The following KLHDC4 variants were observed in gnomAD, a reference collection of about 807,000 sequenced individuals.
KLHDC4 encodes kelch domain-containing protein 4.
A neutral mutation model predicts 62.4 loss-of-function variants in KLHDC4; 90 were observed. That is an observed-to-expected ratio of 1.44 (90% confidence interval 1.22 to 1.72). The LOEUF (loss-of-function observed/expected upper bound fraction) is 1.72, where lower values mean the gene tolerates loss of function less well. Among genes scored for constraint, KLHDC4 ranks in the 40% most tolerant of loss-of-function variants. The pLI is 0.00. For missense variants in KLHDC4, 1,025 were observed against 699.7 expected (o/e 1.47, Z -5.25); for synonymous variants, 386 against 284.4 (o/e 1.36, Z -3.59).
At chr16:87,749,287 G>A (rs1477853443) in intron 4 of KLHDC4, among the ~76,000 whole-genome samples, 3 of 152,082 alleles carry the variant, frequency 2.0e-5, no homozygotes, top group Admixed American at 2.0e-4. Context: ...CAGGCGCGGT[G>A]GCTCACACCT....
At chr16:87,725,403 G>C (rs2039177066) in intron 7 of KLHDC4, among the ~76,000 whole-genome samples, 1 of 152,134 alleles carries the variant, frequency 6.6e-6, no homozygotes, top group Admixed American at 6.5e-5. Context: ...TTGACCTCGT[G>C]AGCCGCCCGC....
intron 5 of KLHDC4, among the ~76,000 whole-genome samples, chr16:87,736,156 G>A (rs1354049102): frequency 6.6e-6 from 1 of 152,194 alleles, no homozygotes; most frequent in Admixed American, 6.5e-5. Context: ...GGAAGGCACA[G>A]CCTGCCACAC....
Position 87,709,368 on chromosome 16 carries a change from C to T in KLHDC4, c.1344G>A (p.Gly448=). The change falls in exon 10 of 12, where the codon GGG becomes GGA. Residue 448 remains glycine (G), a synonymous_variant. Coordinates refer to ENST00000270583, the MANE Select transcript of KLHDC4 (RefSeq NM_017566.4). The part of the protein sequence containing the change: ...AVKHGVLYVY[G]GMFEAGDRQV... Reference sequence around the variant, plus strand: ...GGCGGTCGCCGGCCTCAAACATGCCCCCATAGACGTAGAGCACCCCATGCT... The same window carrying T: ...GGCGGTCGCCGGCCTCAAACATGCCTCCATAGACGTAGAGCACCCCATGCT... 1 of 1,613,518 alleles carries T rather than the reference C, an allele frequency of 6.2e-7. No homozygotes were observed. Among genetic ancestry groups the T allele is most frequent in the African/African-American group, 1.3e-5 (1 of 75,056 alleles).
downstream of KLHDC4, among the ~76,000 whole-genome samples, chr16:87,704,481 C>A (rs1404246450): frequency 8.9e-6 from 1 of 112,656 alleles, no homozygotes; most frequent in East Asian, 2.7e-4. Flanking sequence ...AAGGAGGCGC[C>A]TGGGGAGGGT....
At chr16:87,720,759 TC>T (rs1335543062) in intron 7 of KLHDC4, among the ~76,000 whole-genome samples, 1 of 152,238 alleles carries the variant, frequency 6.6e-6, no homozygotes, top group African/African-American at 2.4e-5. Flanking sequence ...CCACTTCTAG[TC>T]AGCTTCCTTT....
chr16:87,734,882 C>T (rs931693958), intron 5 of KLHDC4, among the ~76,000 whole-genome samples: 2 of 152,066 alleles, frequency 1.3e-5, no homozygotes, highest in Non-Finnish European at 2.9e-5. Flanking sequence ...AGAAGAAAAC[C>T]CCACACATGC....
At position 87,709,635 on chromosome 16, in the gene KLHDC4, C is replaced by T. The variant is rs747770240; in HGVS notation, c.1077G>A (p.Arg359=). ...CACCTTCGGGCTCCTCTTTTCTGCC[C>T]CGCCTGCGTTTCTTCTTTTCAGACT... is the stretch of plus-strand genomic sequence containing the variant. ...GPKSEKKKRR[R]GRKEEPEGGS... is the part of the protein sequence containing the mutation. The change falls in exon 10 of 12, where the codon CGG becomes CGA. Residue 359 remains arginine (R), a synonymous_variant. Transcript: ENST00000270583. 1.1e-5 allele frequency: 18 copies of T among 1,606,502 alleles called. No homozygotes were observed. The highest frequency in any genetic ancestry group is 1.4e-5 in the Non-Finnish European group (17 of 1,176,486).
rs1175570954 is a variant in KLHDC4, at chr16:87,765,809, G to T, written c.82C>A (p.Arg28Ser). ...CCGCTCACCTCCTCCTTCCGCGAGCGCTTAGACACCTTCTTCTCCATCTTG... is the reference window on the plus strand; with the variant it reads ...CCGCTCACCTCCTCCTTCCGCGAGCTCTTAGACACCTTCTTCTCCATCTTG... ...AAKMEKKVSK[R>S]SRKEEEDLEA... Residue 28 changes from arginine (R) to serine (S), a missense_variant, in exon 1 of 12, where the codon CGC becomes AGC. By Grantham distance (110) the Arg-to-Ser change is moderately radical. Coordinates refer to ENST00000270583, the MANE Select transcript of KLHDC4 (RefSeq NM_017566.4). 6.4e-7 allele frequency: 1 copy of T among 1,570,088 alleles called. No homozygotes were observed. The highest frequency in any genetic ancestry group is 2.3e-5 in the East Asian group (1 of 42,966).
chr16:87,701,802 A>AT, intron 14 of KLHDC4: 1 of 456,630 alleles, frequency 2.2e-6, no homozygotes, highest in South Asian at 1.5e-5. Flanking sequence ...TCTGTGCCCC[A>AT]TGGGACAGAG....
chr16:87,732,164 C>T (rs775338803), intron 5 of KLHDC4, among the ~76,000 whole-genome samples: 1 of 149,478 alleles, frequency 6.7e-6, no homozygotes, highest in African/African-American at 2.5e-5. Context: ...GGTGCAATCT[C>T]GGCTCCCTGC....
chr16:87,705,165 G>C (rs892738628), downstream of KLHDC4, among the ~76,000 whole-genome samples: 4 of 152,236 alleles, frequency 2.6e-5, no homozygotes, highest in African/African-American at 9.7e-5. Context: ...CACCGAGTAC[G>C]GCGTGTCCCA....
intron 2 of KLHDC4, among the ~76,000 whole-genome samples, chr16:87,757,094 T>C (rs2045074382): frequency 1.3e-5 from 2 of 151,792 alleles, no homozygotes. Flanking sequence ...GGATTACAGG[T>C]GTGAGCCACC....
At chr16:87,731,779 C>T (rs894298934) in intron 5 of KLHDC4, among the ~76,000 whole-genome samples, 12 of 152,246 alleles carry the variant, frequency 7.9e-5, no homozygotes, top group Admixed American at 3.9e-4. Context: ...GCTCTTGTGT[C>T]ACCACCAGCA....
intron 6 of KLHDC4, among the ~76,000 whole-genome samples, chr16:87,729,527 G>A (rs1175433580): frequency 6.6e-6 from 1 of 152,198 alleles, no homozygotes; most frequent in Non-Finnish European, 1.5e-5. Context: ...ACTTATGACA[G>A]AAACAGGGAT....
At chr16:87,759,153 C>G (rs2045480723) in intron 2 of KLHDC4, among the ~76,000 whole-genome samples, 1 of 152,126 alleles carries the variant, frequency 6.6e-6, no homozygotes, top group African/African-American at 2.4e-5. Flanking sequence ...GCCTGGGCAA[C>G]AAGAGCAAAA....
chr16:87,765,586 G>C (rs1012428976), intron 1 of KLHDC4, among the ~76,000 whole-genome samples: 6 of 152,114 alleles, frequency 3.9e-5, no homozygotes, highest in Admixed American at 3.9e-4. Context: ...TCCGAGAAGC[G>C]GACAGACACA....
At chr16:87,702,749 G>A (rs966278580), upstream of KLHDC4, among the ~76,000 whole-genome samples, 2 of 152,254 alleles carry the variant, frequency 1.3e-5, no homozygotes, top group South Asian at 2.1e-4. Context: ...AACTCGGACA[G>A]GAAACAGTGT....
At chr16:87,745,906 T>A (rs1480435201) in intron 5 of KLHDC4, among the ~76,000 whole-genome samples, 1 of 152,078 alleles carries the variant, frequency 6.6e-6, no homozygotes, top group Non-Finnish European at 1.5e-5. Context: ...ACATTAGGCA[T>A]CTCCCAATCA....
chr16:87,705,403 T>C (rs1281986054), downstream of KLHDC4, among the ~76,000 whole-genome samples: 2 of 152,258 alleles, frequency 1.3e-5, no homozygotes, highest in Non-Finnish European at 2.9e-5. Context: ...CCTGTTTTCA[T>C]CACGGCCGTG....
Sources: gnomAD v4.1 joint callset for allele counts (sites outside exome capture counted in the v4.1 genomes callset) on GRCh38, gnomAD v4.1.1 for gene constraint, MANE v1.5 for transcripts, NCBI Gene and HGNC (gene_info 2026-07-23, HGNC 2026-07-21) for gene names.